PATJ: variants seen among roughly 807,000 people sequenced by gnomAD.
PATJ encodes the protein PATJ crumbs cell polarity complex component, also known as inaD-like protein.
A neutral mutation model predicts 224.9 loss-of-function variants in PATJ; 190 were observed. That is an observed-to-expected ratio of 0.84 (90% CI 0.75 to 0.95). The LOEUF (loss-of-function observed/expected upper bound fraction) is 0.95, where lower values mean the gene tolerates loss of function less well. Among genes scored for constraint, PATJ ranks in the 40% least tolerant of loss-of-function variants. The pLI, the probability that PATJ is intolerant of heterozygous loss-of-function variation, is 0.00. For missense variants in PATJ, 2,121 were observed against 2,270.3 expected (o/e 0.93, Z 1.34); for synonymous variants, 769 against 820.3 (o/e 0.94, Z 1.07).
intron 27 of PATJ, 139 bp from the exon 28 acceptor site, chr1:61,990,029 C>A: frequency 1.5e-6 from 1 of 651,406 alleles, no homozygotes; most frequent in Non-Finnish European, 2.6e-6. Flanking sequence ...CCAGTCTGCG[C>A]AATATAGCAA....
chr1:61,914,559 C>A, intron 25 of PATJ, 28 bp from the exon 26 acceptor site: 1 of 1,094,768 alleles, frequency 9.1e-7, no homozygotes. Flanking sequence ...ACGTTTTCTT[C>A]CCCCCACCCC....
At position 61,787,912 on chromosome 1, in the gene PATJ, C is replaced by G; in HGVS notation, c.1008C>G (p.Pro336=). The change falls in exon 8 of 44, where the codon CCC becomes CCG. Residue 336 remains proline, a synonymous_variant. Coordinates refer to ENST00000642238, the MANE Select transcript of PATJ (RefSeq NM_001350145.3). ...CAGCTGGTGACATTTCAGTCACCCC[C>G]CCTGCCCCTGCAGCCTTACCTGTTG... The part of the protein sequence containing the change: ...RDPAGDISVT[P]PAPAALPVAL... 1 of 1,614,034 alleles carries G rather than the reference C, an allele frequency of 6.2e-7. No homozygotes were observed. Among genetic ancestry groups the G allele is most frequent in the Non-Finnish European group, 8.5e-7 (1 of 1,180,022 alleles).
chr1:61,908,855 A>G (rs899113702), intron 25 of PATJ, among the ~76,000 whole-genome samples: 5 of 152,262 alleles, frequency 3.3e-5, no homozygotes, highest in South Asian at 4.1e-4. Context: ...TAGAGATACT[A>G]TCACATGTTG....
intron 41 of PATJ, among the ~76,000 whole-genome samples, chr1:62,142,899 G>A (rs1667644648): frequency 6.6e-6 from 1 of 152,152 alleles, no homozygotes; most frequent in Non-Finnish European, 1.5e-5. Flanking sequence ...TTTATTCCAA[G>A]TCCAAAGGGA....
intron 30 of PATJ, among the ~76,000 whole-genome samples, chr1:62,045,987 G>A (rs1652468261): frequency 6.6e-6 from 1 of 152,086 alleles, no homozygotes; most frequent in South Asian, 2.1e-4. Context: ...GAGTGCTTGA[G>A]CTCAGGAATT....
intron 27 of PATJ, among the ~76,000 whole-genome samples, chr1:61,943,681 C>T (rs1160035223): frequency 6.6e-6 from 1 of 152,206 alleles, no homozygotes; most frequent in African/African-American, 2.4e-5. Context: ...GAACAAAAGG[C>T]AGCAGAAACT....
At chr1:61,808,606 G>T in intron 14 of PATJ, 76 bp downstream of exon 14, 1 of 904,356 alleles carries the variant, frequency 1.1e-6, no homozygotes, top group Non-Finnish European at 1.8e-6. Context: ...GTCCAGGTTG[G>T]TCTCAAACTC....
intron 30 of PATJ, among the ~76,000 whole-genome samples, chr1:62,047,844 A>G (rs867237749): frequency 2.0e-5 from 3 of 152,198 alleles, no homozygotes; most frequent in Non-Finnish European, 4.4e-5. Context: ...TGAGAAGAGG[A>G]TGTTCTATCT....
chr1:61,914,543 G>A (rs774779734), intron 25 of PATJ, 44 bp from the exon 26 acceptor site: 25 of 921,984 alleles, frequency 2.7e-5, no homozygotes, highest in East Asian at 4.9e-5. Flanking sequence ...TGATTATGTC[G>A]TTTAAACGTT....
Position 61,813,362 on chromosome 1 carries a change from TATATATATATATATATACACACAC to T in PATJ, c.1683+4834_1683+4857del, listed in dbSNP as rs1476317158. Among the ~76,000 whole-genome samples the T allele has an allele frequency of 1.3e-3, 61 of 45,834 alleles. 1 individual carries two copies. The highest frequency in any genetic ancestry group is 4.1e-3 in the African/African-American group (46 of 11,102). 30.1% of individuals were successfully genotyped at this position (45,834 alleles called of 152,430 possible). On this transcript the variant is annotated intron_variant, in intron 14 of 43. Coordinates refer to ENST00000642238, the MANE Select transcript of PATJ (RefSeq NM_001350145.3). ...ATATATATATATATATATATATATA[TATATATATATATATATACACACAC>T]ACACACACACACATACACACATATA...
At chr1:61,761,292 T>C (rs1015282280) in intron 1 of PATJ, among the ~76,000 whole-genome samples, 3 of 152,062 alleles carry the variant, frequency 2.0e-5, no homozygotes, top group African/African-American at 7.2e-5. Flanking sequence ...TAAATTTTGA[T>C]AAGTATATAC....
chr1:61,929,794 C>T (rs542088599), intron 27 of PATJ, among the ~76,000 whole-genome samples: 6 of 152,204 alleles, frequency 3.9e-5, no homozygotes, highest in South Asian at 4.2e-4. Context: ...CCGAGGCAGA[C>T]GGCTTACCTG....
At chr1:61,864,207 C>T (rs756005895) in intron 19 of PATJ, 31 bp from the exon 20 acceptor site, 21 of 1,547,274 alleles carry the variant, frequency 1.4e-5, no homozygotes, top group Non-Finnish European at 1.8e-5. Flanking sequence ...ACAGGCGTAA[C>T]TTCACATTTT....
At chr1:61,878,232 C>A (rs1229668067) in intron 21 of PATJ, among the ~76,000 whole-genome samples, 1 of 152,158 alleles carries the variant, frequency 6.6e-6, no homozygotes, top group African/African-American at 2.4e-5. Flanking sequence ...CTGGTCCTTC[C>A]TCCTCAGTGT....
chr1:61,810,554 G>A (rs1474425053), intron 14 of PATJ, among the ~76,000 whole-genome samples: 3 of 151,838 alleles, frequency 2.0e-5, no homozygotes, highest in African/African-American at 4.8e-5. Flanking sequence ...AAACTTAGCC[G>A]GGCATGGTGG....
At chr1:62,124,848 C>T (rs1665505533) in intron 39 of PATJ, among the ~76,000 whole-genome samples, 1 of 152,108 alleles carries the variant, frequency 6.6e-6, no homozygotes, top group Non-Finnish European at 1.5e-5. Flanking sequence ...TTTAAAGGCC[C>T]TATCTCCAAA....
chr1:61,810,651 C>T (rs890075086), intron 14 of PATJ, among the ~76,000 whole-genome samples: 1 of 151,754 alleles, frequency 6.6e-6, no homozygotes, highest in Non-Finnish European at 1.5e-5. Flanking sequence ...GAGTCGAGAT[C>T]GTGCCACTGC....
chr1:62,041,472 T>C (rs61777664), intron 30 of PATJ, among the ~76,000 whole-genome samples: 50,164 of 151,954 alleles, frequency 0.33, 9,313 homozygotes, highest in Middle Eastern at 0.49. Context: ...TTGGATGAAG[T>C]GTTGGTATTG....
intron 29 of PATJ, among the ~76,000 whole-genome samples, chr1:62,028,953 C>T (rs888658190): frequency 4.0e-5 from 2 of 50,248 alleles, no homozygotes; most frequent in African/African-American, 1.4e-4. Context: ...CAGAGCGAGA[C>T]CCTGTCTCAA....
Sources: allele counts gnomAD v4.1 joint callset (sites outside exome capture counted in the v4.1 genomes callset), GRCh38; gene constraint gnomAD v4.1.1; transcripts MANE v1.5; gene names NCBI Gene and HGNC (gene_info 2026-07-23, HGNC 2026-07-21).